Variants in PLAC1 observed in about 807,000 individuals in gnomAD.
PLAC1 encodes the protein placenta associated 1, also known as placenta-specific protein 1.
For synonymous variants in PLAC1, 68 were observed against 62.1 expected, an observed-to-expected ratio of 1.09 and a Z score of -0.44; for missense variants, 136 against 163.2, an observed-to-expected ratio of 0.83 and a Z score of 0.91.
chrX:134,748,712 G>A (rs1227103651), intron 1 of PLAC1, among the ~76,000 whole-genome samples: 1 of 111,762 alleles, frequency 8.9e-6, no homozygotes, highest in Non-Finnish European at 1.9e-5. Context: ...TCTGGTATCA[G>A]GGTTTAAATG....
At chrX:134,746,734 T>G (rs1203943090) in intron 1 of PLAC1, among the ~76,000 whole-genome samples, 1 of 111,937 alleles carries the variant, frequency 8.9e-6, no homozygotes, top group Non-Finnish European at 1.9e-5. Context: ...AACCATACAT[T>G]AACATTAGTG....
intron 2 of PLAC1, among the ~76,000 whole-genome samples, chrX:134,703,898 A>G (rs373065378): frequency 1.8e-5 from 2 of 108,328 alleles, no homozygotes; most frequent in South Asian, 4.2e-4. Context: ...AAATCGAAAT[A>G]TATCTCTATC....
intron 2 of PLAC1, among the ~76,000 whole-genome samples, chrX:134,591,844 A>T (rs1480806650): frequency 8.9e-6 from 1 of 112,187 alleles, no homozygotes; most frequent in Non-Finnish European, 1.9e-5. Flanking sequence ...AGCTGTTCTA[A>T]TAGGTATGTA....
At chrX:134,670,481 T>C (rs1218816660) in intron 2 of PLAC1, among the ~76,000 whole-genome samples, 1 of 110,614 alleles carries the variant, frequency 9.0e-6, no homozygotes, top group African/African-American at 3.3e-5. Context: ...TCTGGTGAAC[T>C]AAAACCTCAA....
intron 1 of PLAC1, among the ~76,000 whole-genome samples, chrX:134,603,315 T>A (rs867341276): frequency 0.02 from 167 of 8,417 alleles, no homozygotes; most frequent in Admixed American, 0.025. Context: ...ATATATATAT[T>A]TTTTTTTTTT....
At chrX:134,760,527 G>A (rs1391763519) in intron 1 of PLAC1, among the ~76,000 whole-genome samples, 1 of 110,987 alleles carries the variant, frequency 9.0e-6, no homozygotes, top group Non-Finnish European at 1.9e-5. Context: ...GCAAAAGACT[G>A]GAAGCAATAT....
At chrX:134,701,731 A>C (rs2078583803) in intron 2 of PLAC1, among the ~76,000 whole-genome samples, 1 of 112,514 alleles carries the variant, frequency 8.9e-6, no homozygotes, top group African/African-American at 3.2e-5. Context: ...TCAAAACCAC[A>C]ATGAGACCAG....
chrX:134,698,996 A>C (rs943336161), intron 2 of PLAC1, among the ~76,000 whole-genome samples: 1 of 111,156 alleles, frequency 9.0e-6, no homozygotes, highest in Non-Finnish European at 1.9e-5. Flanking sequence ...CATATATTGA[A>C]TCTATCAAGT....
chrX:134,698,029 T>C (rs937092081), intron 2 of PLAC1, among the ~76,000 whole-genome samples: 4 of 112,453 alleles, frequency 3.6e-5, no homozygotes, highest in Non-Finnish European at 7.5e-5. Flanking sequence ...CTTATTTATA[T>C]GTCAATAAAT....
At chrX:134,669,485 C>G (rs1160766387) in intron 2 of PLAC1, among the ~76,000 whole-genome samples, 1 of 112,293 alleles carries the variant, frequency 8.9e-6, no homozygotes, top group Non-Finnish European at 1.9e-5. Flanking sequence ...CTCTTATTCT[C>G]TAGAGTGAGA....
intron 2 of PLAC1, among the ~76,000 whole-genome samples, chrX:134,688,326 C>T (rs1209400518): frequency 8.9e-6 from 1 of 112,009 alleles, no homozygotes; most frequent in Non-Finnish European, 1.9e-5. Flanking sequence ...ATATTGTCCA[C>T]TCTCCCGTTC....
intron 2 of PLAC1, among the ~76,000 whole-genome samples, chrX:134,683,209 G>A (rs1169901451): frequency 1.8e-5 from 2 of 110,005 alleles, no homozygotes; most frequent in Non-Finnish European, 3.8e-5. Flanking sequence ...TGATTGATTT[G>A]GGGTGTGTGG....
intron 2 of PLAC1, among the ~76,000 whole-genome samples, chrX:134,705,211 G>C (rs2081850095): frequency 9.4e-6 from 1 of 106,555 alleles, no homozygotes; most frequent in Non-Finnish European, 1.9e-5. Flanking sequence ...ATGAGGTCAG[G>C]AGTTCAAGAC....
intron 1 of PLAC1, among the ~76,000 whole-genome samples, chrX:134,645,555 G>A (rs1194462438): frequency 9.0e-6 from 1 of 111,524 alleles, no homozygotes; most frequent in East Asian, 2.8e-4. Flanking sequence ...ACGCATTGTT[G>A]TGTAGTGTGT....
intron 1 of PLAC1, among the ~76,000 whole-genome samples, chrX:134,626,778 C>G (rs2078238749): frequency 8.9e-6 from 1 of 112,392 alleles, no homozygotes; most frequent in African/African-American, 3.2e-5. Flanking sequence ...CCTTTGGGAG[C>G]TGTTTTAAAG....
At chrX:134,586,839 TTGTGTGTGTGTG>T (rs757041226) in intron 2 of PLAC1, among the ~76,000 whole-genome samples, 1 of 76,653 alleles carries the variant, frequency 1.3e-5, no homozygotes, top group African/African-American at 4.6e-5. Flanking sequence ...CCCAGCTAAT[TTGTGTGTGTGTG>T]TGTGTGTGTG....
At chrX:134,721,420 A>T (rs768063047) in intron 2 of PLAC1, among the ~76,000 whole-genome samples, 3 of 111,180 alleles carry the variant, frequency 2.7e-5, no homozygotes, top group South Asian at 7.7e-4. Context: ...AAAAAAAATT[A>T]AAAAATTAGC....
At chrX:134,630,060 C>T (rs2124416314) in intron 1 of PLAC1, among the ~76,000 whole-genome samples, 1 of 107,104 alleles carries the variant, frequency 9.3e-6, no homozygotes, top group African/African-American at 3.4e-5. Flanking sequence ...CAACCTCCGC[C>T]TCCCAGGTTC....
chrX:134,689,780 T>C (rs1052636178), intron 2 of PLAC1, among the ~76,000 whole-genome samples: 1 of 112,198 alleles, frequency 8.9e-6, no homozygotes, highest in Non-Finnish European at 1.9e-5. Flanking sequence ...CTTTCCTGAT[T>C]GCCATATCTG....
Sources: allele counts gnomAD v4.1 joint callset (sites outside exome capture counted in the v4.1 genomes callset), GRCh38; gene constraint gnomAD v4.1.1; transcripts MANE v1.5; gene names NCBI Gene and HGNC (gene_info 2026-07-23, HGNC 2026-07-21).